Variants in NEK10 observed in about 807,000 individuals in gnomAD.
NEK10 encodes the protein NIMA related kinase 10, also known as serine/threonine-protein kinase Nek10.
In NEK10, 122 loss-of-function variants were observed where a neutral mutation model predicts 159.8. The ratio of observed to expected loss-of-function variants is 0.76; its 90% CI spans 0.66 to 0.89. NEK10 has a LOEUF of 0.89. Among genes scored for constraint, NEK10 ranks in the 40% least tolerant of loss-of-function variants. The probability of loss-of-function intolerance (pLI) is 0.00; values close to 1 mark genes in which losing one functional copy is unlikely to be tolerated. For missense variants in NEK10, 1,342 were observed against 1,323.1 expected, an observed-to-expected ratio of 1.01 and a Z score of -0.22; for synonymous variants, 466 against 457.1, an observed-to-expected ratio of 1.02 and a Z score of -0.25.
At chr3:27,214,928 A>T in intron 23 of NEK10, 2 of 986,640 alleles carry the variant, frequency 2.0e-6, no homozygotes, top group Non-Finnish European at 3.2e-6. Context: ...AAAGAAGGTG[A>T]GAAGACAATT....
At chr3:27,245,915 A>G (rs1010658118) in intron 23 of NEK10, among the ~76,000 whole-genome samples, 5 of 152,204 alleles carry the variant, frequency 3.3e-5, no homozygotes, top group Admixed American at 3.3e-4. Flanking sequence ...ACTATACATA[A>G]CCACTAGGTA....
At chr3:27,274,199 G>A (rs946483272) in intron 22 of NEK10, among the ~76,000 whole-genome samples, 4 of 152,156 alleles carry the variant, frequency 2.6e-5, no homozygotes, top group Non-Finnish European at 5.9e-5. Context: ...CACCAGGGAT[G>A]AGGGAGAGGG....
intron 23 of NEK10, chr3:27,215,012 A>G (rs1354742516): frequency 3.1e-6 from 2 of 635,064 alleles, no homozygotes; most frequent in Non-Finnish European, 5.9e-6. Context: ...CCAAGCTCCA[A>G]CTCCGACCTG....
chr3:27,163,978 T>C (rs1052011763), intron 29 of NEK10, among the ~76,000 whole-genome samples: 1 of 152,142 alleles, frequency 6.6e-6, no homozygotes, highest in Non-Finnish European at 1.5e-5. Flanking sequence ...ACTAGAATAA[T>C]ACCAAAATCT....
chr3:27,208,275 G>A lies in NEK10; in HGVS notation c.2091-5718C>T, dbSNP rs561216621. On this transcript the variant is annotated intron_variant, in intron 23 of 35. Coordinates refer to ENST00000691995, the MANE Select transcript of NEK10 (RefSeq NM_001394966.1). ...TGAGCAACATAATATTCAGATATAT[G>A]GTGAGATAAGCATAGCTTAGCAGAG... Among the ~76,000 whole-genome samples, 4 of 152,266 alleles carry A rather than the reference G, an allele frequency of 2.6e-5. No homozygotes were observed. The East Asian group carries it at 7.7e-4, about 29-fold the overall frequency.
At chr3:27,280,660 A>G (rs918456304) in intron 22 of NEK10, among the ~76,000 whole-genome samples, 1 of 152,102 alleles carries the variant, frequency 6.6e-6, no homozygotes, top group African/African-American at 2.4e-5. Context: ...TCTTCAAAGG[A>G]AAATTTCCAT....
chr3:27,206,568 T>C (rs958238110), intron 23 of NEK10: 6 of 983,314 alleles, frequency 6.1e-6, no homozygotes, highest in Non-Finnish European at 7.2e-6. Context: ...CTCTTCATAC[T>C]TTACTCTCTC....
At chr3:27,184,787 T>TTCA (rs561358572) in intron 26 of NEK10, among the ~76,000 whole-genome samples, 10 of 152,318 alleles carry the variant, frequency 6.6e-5, no homozygotes, top group Middle Eastern at 3.4e-3. Context: ...AGCAAAGATG[T>TTCA]TCACAAAAAT....
chr3:27,253,053 T>C (rs988942973), intron 23 of NEK10: 3 of 364,740 alleles, frequency 8.2e-6, no homozygotes, highest in African/African-American at 6.4e-5. Flanking sequence ...TTAATAGGCA[T>C]GCTTCACTTT....
chr3:27,244,870 T>C (rs1575425473), intron 23 of NEK10, among the ~76,000 whole-genome samples: 3 of 151,886 alleles, frequency 2.0e-5, no homozygotes, highest in Admixed American at 2.0e-4. Flanking sequence ...CTTCAGAGGG[T>C]TGCTCCCAGC....
At chr3:27,197,168 T>A (rs909181969) in intron 25 of NEK10, among the ~76,000 whole-genome samples, 6 of 152,078 alleles carry the variant, frequency 3.9e-5, no homozygotes, top group Non-Finnish European at 7.4e-5. Flanking sequence ...TCTTTTTTTT[T>A]ATTTTTATTT....
At chr3:27,229,905 G>A (rs1001248546) in intron 23 of NEK10, among the ~76,000 whole-genome samples, 9 of 152,108 alleles carry the variant, frequency 5.9e-5, no homozygotes, top group African/African-American at 1.9e-4. Context: ...AATAATTGGT[G>A]TTCCTGAGGG....
At chr3:27,354,417 T>TGAATA (rs2048185588) in intron 1 of NEK10, among the ~76,000 whole-genome samples, 1 of 152,174 alleles carries the variant, frequency 6.6e-6, no homozygotes, top group African/African-American at 2.4e-5. Context: ...TATAAATGAC[T>TGAATA]CTTTGGAAAT....
intron 29 of NEK10, among the ~76,000 whole-genome samples, chr3:27,166,862 G>A (rs145372504): frequency 0.011 from 1,739 of 152,148 alleles, 11 homozygotes; most frequent in South Asian, 0.021. Flanking sequence ...AGGGAGGCTG[G>A]GGCAGGAGAA....
intron 2 of NEK10, 139 bp from the exon 3 acceptor site, chr3:27,352,664 A>T: frequency 1.2e-6 from 1 of 815,320 alleles, no homozygotes; most frequent in Non-Finnish European, 2.1e-6. Flanking sequence ...TTTTCTTTAG[A>T]ACACTAGAAA....
chr3:27,278,915 G>C (rs2041955951), intron 22 of NEK10: 1 of 984,778 alleles, frequency 1.0e-6, no homozygotes, highest in African/African-American at 1.7e-5. Context: ...ATGTACCACT[G>C]AATCGGGGTC....
At position 27,324,337 on chromosome 3, in the gene NEK10, G is replaced by A. The variant is rs193299032; in HGVS notation, c.363-2076C>T. The stretch of plus-strand genomic sequence containing the variant: ...TGAGGATACTTGTACCCAAAGAGTT[G>A]GAGCAACAGAGCCCAGACTGAAACT... On this transcript the variant is annotated intron_variant, in intron 5 of 35. Transcript: ENST00000691995. 5.3e-5 allele frequency among the ~76,000 whole-genome samples: 8 copies of A among 152,296 alleles called. No individual in the cohort carries two copies. The East Asian group carries it at 1.5e-3, about 29-fold the overall frequency.
chr3:27,174,709 T>C lies in NEK10; in HGVS notation c.2630A>G (p.Asp877Gly). The C allele has an allele frequency of 6.2e-7, 1 of 1,613,646 alleles. No homozygotes were observed. The highest frequency in any genetic ancestry group is 1.3e-5 in the African/African-American group (1 of 74,980). Residue 877 changes from aspartate to glycine, a missense_variant, in exon 27 of 36, where the codon GAC becomes GGC. Transcript: ENST00000691995. ...TGACAGGATTTCGTCACAGGCCCTG[T>C]CTTCGTCTTTACCATAGGAGGCCTG... The part of the protein sequence containing the change: ...GFQASYGKDE[D>G]RACDEILSDD...
intron 33 of NEK10, 146 bp from the exon 34 acceptor site, chr3:27,116,273 C>T (rs1940412361): frequency 2.8e-6 from 2 of 718,336 alleles, no homozygotes; most frequent in Non-Finnish European, 2.4e-6. Context: ...AAAGCATCTG[C>T]CTTGGCTTTG....
Sources: allele counts gnomAD v4.1 joint callset (sites outside exome capture counted in the v4.1 genomes callset), GRCh38; gene constraint gnomAD v4.1.1; transcripts MANE v1.5; gene names NCBI Gene and HGNC (gene_info 2026-07-23, HGNC 2026-07-21).